Variants in OLFM3 observed in about 807,000 individuals in gnomAD.
OLFM3 encodes olfactomedin 3.
OLFM3 carries 20 observed loss-of-function variants against 48.6 expected under a neutral mutation model. The observed-to-expected ratio is 0.41, with a 90% CI of 0.29 to 0.60. OLFM3 has a LOEUF of 0.60. Ranked by LOEUF, OLFM3 falls within the 20% of genes least tolerant of loss-of-function variation. The pLI, the probability that OLFM3 is intolerant of heterozygous loss-of-function variation, is 0.28. For missense variants in OLFM3, 437 were observed against 544.3 expected, an observed-to-expected ratio of 0.80 and a Z score of 1.96; for synonymous variants, 222 against 198.1, an observed-to-expected ratio of 1.12 and a Z score of -1.01.
At chr1:101,905,087 A>T (rs955257009) in intron 1 of OLFM3, among the ~76,000 whole-genome samples, 9 of 152,110 alleles carry the variant, frequency 5.9e-5, no homozygotes, top group Non-Finnish European at 1.3e-4. Context: ...ATAGATGTGT[A>T]CTCATCAGAA....
intron 1 of OLFM3, among the ~76,000 whole-genome samples, chr1:101,847,758 C>G (rs1656069130): frequency 6.6e-6 from 1 of 152,164 alleles, no homozygotes; most frequent in Non-Finnish European, 1.5e-5. Context: ...TTCAGTCACA[C>G]AGGAAACTCA....
In OLFM3 at chr1:101,804,754, A is replaced by G; in HGVS notation, c.861T>C (p.Tyr287=). 1 of 1,612,724 alleles carries G rather than the reference A, an allele frequency of 6.2e-7. No individual in the cohort carries two copies. Among genetic ancestry groups the G allele is most frequent in the Non-Finnish European group, 8.5e-7 (1 of 1,179,176 alleles). The change falls in exon 6 of 6, where the codon TAT becomes TAC. Residue 287 remains tyrosine (Y), a synonymous_variant. Transcript: ENST00000370103. The surrounding 1 kb of genome is among the most constrained non-coding windows in gnomAD (Gnocchi z 4.5). ...TGTATTTGATGATGATATTACTCTG[A>G]TACTTGTTAAAATAGAGTGAGCCAT... is the stretch of plus-strand genomic sequence containing the variant. ...VYNGSLYFNK[Y]QSNIIIKYSF...
chr1:101,923,605 T>C (rs1224079182), intron 1 of OLFM3, among the ~76,000 whole-genome samples: 1 of 152,052 alleles, frequency 6.6e-6, no homozygotes, highest in Non-Finnish European at 1.5e-5. Context: ...AAATAAAATG[T>C]ATATGGATTT....
chr1:101,902,243 C>G (rs1258652857), intron 1 of OLFM3, among the ~76,000 whole-genome samples: 1 of 151,908 alleles, frequency 6.6e-6, no homozygotes, highest in Non-Finnish European at 1.5e-5. Context: ...AGAATAATTT[C>G]AAAACAATAT....
chr1:101,914,600 C>G (rs1658863953), intron 1 of OLFM3, among the ~76,000 whole-genome samples: 2 of 152,170 alleles, frequency 1.3e-5, no homozygotes, highest in African/African-American at 4.8e-5. Flanking sequence ...CCTGTGCCAA[C>G]ATAGATGTTA....
At chr1:101,989,593 T>TC (rs1661342943) in intron 1 of OLFM3, among the ~76,000 whole-genome samples, 1 of 152,180 alleles carries the variant, frequency 6.6e-6, no homozygotes, top group Non-Finnish European at 1.5e-5. Flanking sequence ...TTGTATTTTT[T>TC]TTTACCCTTC....
chr1:101,826,297 G>A (rs1160399223), intron 3 of OLFM3, among the ~76,000 whole-genome samples: 2 of 152,010 alleles, frequency 1.3e-5, no homozygotes, highest in Non-Finnish European at 2.9e-5. Flanking sequence ...CTTCATAGTA[G>A]TGAAAATAGT....
At position 101,830,691 on chromosome 1, in the gene OLFM3, A is replaced by T; in HGVS notation, c.353T>A (p.Leu118His). 6.2e-7 allele frequency: 1 copy of T among 1,614,210 alleles called. No homozygotes were observed. The highest frequency in any genetic ancestry group is 1.3e-5 in the African/African-American group (1 of 75,058). ...FRQIEDDRKTLMTKHFQELKE... is the reference protein window; with the variant it reads ...FRQIEDDRKTHMTKHFQELKE... ...ACCTACCTGAAAATGCTTGGTCATA[A>T]GTGTCTTTCGATCATCTTCAATCTG... The change falls in exon 3 of 6, where the codon CTT becomes CAT. Residue 118 changes from leucine (L) to histidine (H), a missense_variant. This residue lies in a region of OLFM3 where 314 missense variants were observed against 365.5 expected (regional missense o/e 0.86). Transcript: ENST00000370103.
intron 1 of OLFM3, among the ~76,000 whole-genome samples, chr1:101,953,410 T>C (rs970020700): frequency 7.2e-5 from 11 of 152,176 alleles, no homozygotes; most frequent in Non-Finnish European, 1.3e-4. Context: ...GTAGTCACAA[T>C]AGATACTGTA....
intron 1 of OLFM3, among the ~76,000 whole-genome samples, chr1:101,982,305 T>A (rs1367284440): frequency 6.6e-6 from 1 of 152,074 alleles, no homozygotes; most frequent in Non-Finnish European, 1.5e-5. Flanking sequence ...ATGGAGACCT[T>A]GAGGTAAGAT....
At chr1:101,983,248 A>T (rs921750159) in intron 1 of OLFM3, among the ~76,000 whole-genome samples, 4 of 152,140 alleles carry the variant, frequency 2.6e-5, no homozygotes, top group African/African-American at 9.7e-5. Context: ...CATCTCTTTG[A>T]CTTCATACAT....
intron 4 of OLFM3, chr1:101,813,006 T>A (rs1160005099): frequency 9.0e-7 from 1 of 1,107,792 alleles, no homozygotes; most frequent in Non-Finnish European, 1.1e-6. Context: ...GAACTTATTT[T>A]GTACCAGAAC....
chr1:101,849,470 G>C (rs1048398045), intron 1 of OLFM3, among the ~76,000 whole-genome samples: 1 of 152,140 alleles, frequency 6.6e-6, no homozygotes, highest in Non-Finnish European at 1.5e-5. Context: ...AGGGCTTCAG[G>C]GTCACCCAAA....
At chr1:101,918,265 T>C (rs1038615018) in intron 1 of OLFM3, among the ~76,000 whole-genome samples, 3 of 152,214 alleles carry the variant, frequency 2.0e-5, no homozygotes, top group Non-Finnish European at 4.4e-5. Flanking sequence ...AGTGTGTTAG[T>C]TCTCTATCGC....
intron 1 of OLFM3, among the ~76,000 whole-genome samples, chr1:101,903,796 C>G (rs1413080167): frequency 6.6e-6 from 1 of 151,908 alleles, no homozygotes; most frequent in Non-Finnish European, 1.5e-5. Context: ...TGAAACAAAA[C>G]ATTGTGATAT....
At chr1:101,988,387 T>C (rs1262092292) in intron 1 of OLFM3, among the ~76,000 whole-genome samples, 1 of 152,108 alleles carries the variant, frequency 6.6e-6, no homozygotes, top group African/African-American at 2.4e-5. Flanking sequence ...CTACTACAAG[T>C]CAAAAATAGC....
intron 1 of OLFM3, among the ~76,000 whole-genome samples, chr1:101,858,677 A>C (rs145316031): frequency 7.7e-4 from 117 of 151,926 alleles, no homozygotes; most frequent in African/African-American, 2.7e-3. Flanking sequence ...TGGTTGTTTA[A>C]AAGCATGTAG....
intron 3 of OLFM3, among the ~76,000 whole-genome samples, chr1:101,827,267 C>T (rs1428196362): frequency 6.6e-6 from 1 of 152,062 alleles, no homozygotes; most frequent in Non-Finnish European, 1.5e-5. Context: ...GTGTAGAAGA[C>T]AAAACCTACT....
chr1:101,808,749 T>C (rs1397861290), intron 4 of OLFM3, among the ~76,000 whole-genome samples: 1 of 151,708 alleles, frequency 6.6e-6, no homozygotes, highest in Non-Finnish European at 1.5e-5. Flanking sequence ...TAACAGGAGT[T>C]TCCAAGCACA....
Sources: gnomAD v4.1 joint callset for allele counts (sites outside exome capture counted in the v4.1 genomes callset) on GRCh38, gnomAD v4.1.1 for gene constraint, gnomAD v4.1.1 regional missense constraint, Gnocchi (gnomAD v3.1) non-coding constraint, MANE v1.5 for transcripts, NCBI Gene and HGNC (gene_info 2026-07-23, HGNC 2026-07-21) for gene names.